PCDH9: variants seen among roughly 807,000 people sequenced by gnomAD.
PCDH9 encodes the protein protocadherin 9, also known as protocadherin-9.
In PCDH9, 24 loss-of-function variants were observed where a neutral mutation model predicts 70.6. The observed-to-expected ratio is 0.34, with a 90% CI of 0.25 to 0.48. The LOEUF is 0.48. PCDH9 is among the 20% of genes least tolerant of loss of function. The pLI, the probability that PCDH9 is intolerant of heterozygous loss-of-function variation, is 0.99. For missense variants in PCDH9, 1,281 were observed against 1,503.6 expected (o/e 0.85, Z 2.45); for synonymous variants, 562 against 558.5 (o/e 1.01, Z -0.09).
At position 67,227,573 on chromosome 13, in the gene PCDH9, T is replaced by C. The variant is rs2089910282; in HGVS notation, c.868A>G (p.Ile290Val). 4 of 1,614,034 alleles carry C rather than the reference T, an allele frequency of 2.5e-6. No homozygotes were observed. The highest frequency in any genetic ancestry group is 1.1e-5 in the South Asian group (1 of 91,090). Residue 290 changes from isoleucine (I) to valine (V), a missense_variant, in exon 2 of 5, where the codon ATT (isoleucine) becomes GTT (valine). This residue lies in a region of PCDH9 where 798 missense variants were observed against 1,003.1 expected (regional missense o/e 0.80). Transcript: ENST00000377865. The surrounding 1 kb of genome is among the most constrained non-coding windows in gnomAD (Gnocchi z 4.6). ...DIGSNAEIRYIFGAQVAPATK... is the reference protein window; with the variant it reads ...DIGSNAEIRYVFGAQVAPATK... The stretch of plus-strand genomic sequence containing the variant: ...GCAGGGGCGACCTGGGCACCAAAAA[T>C]GTACCGGATTTCAGCATTACTGCCT...
intron 4 of PCDH9, among the ~76,000 whole-genome samples, chr13:66,520,511 C>T (rs1451881503): frequency 6.6e-6 from 1 of 152,176 alleles, no homozygotes; most frequent in Non-Finnish European, 1.5e-5. Flanking sequence ...ACATGAAAAC[C>T]TGTGATGCAA....
At chr13:66,808,246 T>C (rs1032074656) in intron 3 of PCDH9, among the ~76,000 whole-genome samples, 4 of 152,182 alleles carry the variant, frequency 2.6e-5, no homozygotes, top group African/African-American at 9.7e-5. Context: ...TTCTTTCTGT[T>C]ATTGAAGGAA....
rs569363446 is a variant in PCDH9 at position 66,400,447 on chromosome 13, C to A, written c.3341-95419G>T. 2.6e-5 allele frequency among the ~76,000 whole-genome samples: 4 copies of A among 152,126 alleles called. No individual in the cohort carries two copies. In the South Asian group the frequency reaches 8.3e-4, roughly 32 times the overall value. On this transcript the variant is annotated intron_variant, in intron 4 of 4. Coordinates refer to ENST00000377865, the MANE Select transcript of PCDH9 (RefSeq NM_203487.3). ...ATAAATCTGTAAAAGCAAAATATAT[C>A]ATCATCAGTTACCCATAGTTAGAAA...
Position 66,303,034 on chromosome 13 carries a change from G to T in PCDH9, c.*1621C>A, listed in dbSNP as rs1593768536. On this transcript the variant is annotated 3_prime_UTR_variant, in exon 5 of 5. Coordinates refer to ENST00000377865, the MANE Select transcript of PCDH9 (RefSeq NM_203487.3). ...ATTATACTGTGGAAAAATGTGAACT[G>T]CTATTTACAAAGTAATTTTATTTTT... 6.6e-6 allele frequency: 1 copy of T among 152,232 alleles called. No individual in the cohort carries two copies. Among genetic ancestry groups the T allele is most frequent in the East Asian group, 1.9e-4 (1 of 5,170 alleles). 9.4% of individuals were successfully genotyped at this position (152,232 alleles called of 1,614,324 possible).
intron 2 of PCDH9, among the ~76,000 whole-genome samples, chr13:67,085,348 A>G (rs1047012067): frequency 6.6e-6 from 1 of 152,030 alleles, no homozygotes; most frequent in East Asian, 1.9e-4. Context: ...AACAAAAAAA[A>G]CTAATAGGAA....
At chr13:66,889,720 T>C (rs972577508) in intron 3 of PCDH9, among the ~76,000 whole-genome samples, 13 of 152,168 alleles carry the variant, frequency 8.5e-5, no homozygotes, top group African/African-American at 3.1e-4. Flanking sequence ...CATTCAGCAG[T>C]ATAGAGCCAA....
chr13:66,902,624 G>A (rs1364941738), intron 3 of PCDH9, among the ~76,000 whole-genome samples: 2 of 151,372 alleles, frequency 1.3e-5, no homozygotes, highest in African/African-American at 4.8e-5. Context: ...CAGTCTATAT[G>A]TTACAGCTGT....
intron 4 of PCDH9, among the ~76,000 whole-genome samples, chr13:66,443,823 C>T (rs1301968421): frequency 6.6e-6 from 1 of 152,066 alleles, no homozygotes; most frequent in Admixed American, 6.6e-5. Context: ...TCATTACCCT[C>T]CACATATTAT....
At chr13:66,409,980 A>G (rs984336133) in intron 4 of PCDH9, among the ~76,000 whole-genome samples, 1 of 152,222 alleles carries the variant, frequency 6.6e-6, no homozygotes, top group Non-Finnish European at 1.5e-5. Context: ...GCAGCAGGAA[A>G]GAATGAGCTT....
At chr13:66,305,723 G>A (rs1955453633) in intron 4 of PCDH9, among the ~76,000 whole-genome samples, 1 of 152,112 alleles carries the variant, frequency 6.6e-6, no homozygotes, top group Non-Finnish European at 1.5e-5. Flanking sequence ...AATCCAGACA[G>A]TGTTTAGTTC....
chr13:66,703,104 A>T (rs1423312620), intron 3 of PCDH9, among the ~76,000 whole-genome samples: 2 of 152,210 alleles, frequency 1.3e-5, no homozygotes, highest in Non-Finnish European at 2.9e-5. Flanking sequence ...AAAACAGCTG[A>T]GTTCTTATGG....
intron 3 of PCDH9, among the ~76,000 whole-genome samples, chr13:66,886,913 C>T (rs2082013133): frequency 1.3e-5 from 2 of 152,000 alleles, no homozygotes; most frequent in African/African-American, 4.8e-5. Context: ...GATAGAATTG[C>T]TGTGTTTTTT....
chr13:67,110,845 C>T (rs1190824625), intron 2 of PCDH9, among the ~76,000 whole-genome samples: 1 of 152,152 alleles, frequency 6.6e-6, no homozygotes, highest in East Asian at 1.9e-4. Context: ...GCTTTCTCAC[C>T]CAATGCAACC....
At chr13:67,080,192 T>C (rs922317562) in intron 2 of PCDH9, among the ~76,000 whole-genome samples, 3 of 152,202 alleles carry the variant, frequency 2.0e-5, no homozygotes, top group Non-Finnish European at 4.4e-5. Flanking sequence ...TTGGCAGAAT[T>C]TGGATTTTTC....
chr13:66,834,050 T>C (rs1046710905), intron 3 of PCDH9, among the ~76,000 whole-genome samples: 14 of 152,164 alleles, frequency 9.2e-5, no homozygotes, highest in Admixed American at 8.5e-4. Context: ...TTTTTTGCAA[T>C]ATGGCACACT....
chr13:67,028,982 A>T (rs2084849686), intron 2 of PCDH9, among the ~76,000 whole-genome samples: 1 of 152,162 alleles, frequency 6.6e-6, no homozygotes. Context: ...AAAATAGCCT[A>T]TGCAAACTCT....
At chr13:66,865,555 T>G (rs2081558767) in intron 3 of PCDH9, among the ~76,000 whole-genome samples, 1 of 152,188 alleles carries the variant, frequency 6.6e-6, no homozygotes. Flanking sequence ...TTTCCATTGG[T>G]CAGAAGTATT....
chr13:66,890,190 A>T (rs2082072624), intron 3 of PCDH9, among the ~76,000 whole-genome samples: 1 of 152,118 alleles, frequency 6.6e-6, no homozygotes, highest in East Asian at 1.9e-4. Context: ...TGATAATCTT[A>T]CTTTTCTCTT....
intron 2 of PCDH9, among the ~76,000 whole-genome samples, chr13:67,159,917 A>AT (rs35884356): frequency 0.17 from 25,976 of 151,994 alleles, 2,525 homozygotes; most frequent in Non-Finnish European, 0.21. Flanking sequence ...TCTTTCTATT[A>AT]TTTTTTTGCA....
Sources: gnomAD v4.1 joint callset for allele counts (sites outside exome capture counted in the v4.1 genomes callset) on GRCh38, gnomAD v4.1.1 for gene constraint, gnomAD v4.1.1 regional missense constraint, Gnocchi (gnomAD v3.1) non-coding constraint, MANE v1.5 for transcripts, NCBI Gene and HGNC (gene_info 2026-07-23, HGNC 2026-07-21) for gene names.